AKAP13: variants seen among roughly 807,000 people sequenced by gnomAD.
AKAP13 encodes A-kinase anchoring protein 13, also known as A-kinase anchor protein 13.
Under a neutral mutation model 264.5 loss-of-function variants are expected in AKAP13, and 80 were observed. The observed-to-expected ratio is 0.30, with a 90% confidence interval of 0.25 to 0.36. The LOEUF (loss-of-function observed/expected upper bound fraction) is 0.36, where lower values mean the gene tolerates loss of function less well. AKAP13 is among the 10% of genes least tolerant of loss of function. The pLI is 1.00. For synonymous variants in AKAP13, 1,380 were observed against 1,250.2 expected (o/e 1.10, Z -2.19); for missense variants, 3,712 against 3,435.2 (o/e 1.08, Z -2.01).
chr15:85,746,319 T>C lies in AKAP13; in HGVS notation c.*1642T>C, dbSNP rs945880891. 6.6e-6 allele frequency: 1 copy of C among 152,284 alleles called. No homozygotes were observed. Among genetic ancestry groups the C allele is most frequent in the Non-Finnish European group, 1.5e-5 (1 of 68,042 alleles). The allele number at this position is 152,284 out of a possible 1,614,324, so 9.4% of individuals were successfully genotyped here. The stretch of plus-strand genomic sequence containing the variant: ...TATTTGTGTGTTTGTGTTTGTTTTT[T>C]TTTAAGGGTGAGCCAGGTCTAGCCC... On this transcript the variant is annotated 3_prime_UTR_variant, in exon 37 of 37. Coordinates refer to ENST00000394518, the MANE Select transcript of AKAP13 (RefSeq NM_007200.5).
Position 85,544,076 on chromosome 15 carries a change from T to C in AKAP13, c.662+121T>C, listed in dbSNP as rs778747126. On this transcript the variant is annotated intron_variant, in intron 5 of 36. Transcript: ENST00000394518. Reference sequence around the variant, plus strand: ...GCCGCAAATTAAAACCTCAGCTCTGTATCTTGCCTTCTGCTGGAGGTTTGT... The same window carrying C: ...GCCGCAAATTAAAACCTCAGCTCTGCATCTTGCCTTCTGCTGGAGGTTTGT... The C allele has an allele frequency of 4.1e-6, 5 of 1,205,080 alleles. No individual in the cohort carries two copies. The African/African-American group carries it at 6.0e-5, about 14-fold the overall frequency. The allele number at this position is 1,205,080 out of a possible 1,614,324, so 74.6% of individuals were successfully genotyped here.
At chr15:85,391,355 A>C (rs1390648908) in intron 1 of AKAP13, among the ~76,000 whole-genome samples, 1 of 152,176 alleles carries the variant, frequency 6.6e-6, no homozygotes, top group African/African-American at 2.4e-5. Flanking sequence ...ATGCTAGTGT[A>C]TTATTTGAAT....
intron 2 of AKAP13, among the ~76,000 whole-genome samples, chr15:85,491,940 A>ACC (rs2075742716): frequency 1.3e-5 from 2 of 152,184 alleles, no homozygotes; most frequent in Non-Finnish European, 2.9e-5. Flanking sequence ...CTGCATCGTT[A>ACC]CTTTCGTCAT....
chr15:85,394,738 AG>A (rs981213944), intron 1 of AKAP13, among the ~76,000 whole-genome samples: 19 of 152,324 alleles, frequency 1.2e-4, no homozygotes, highest in African/African-American at 4.6e-4. Context: ...GACCTTGAGC[AG>A]GTAGGTTACT....
chr15:85,493,475 G>T (rs1353690577), intron 2 of AKAP13, among the ~76,000 whole-genome samples: 2 of 152,136 alleles, frequency 1.3e-5, no homozygotes, highest in Non-Finnish European at 2.9e-5. Flanking sequence ...TGTCTTTATG[G>T]TGCATGTGGA....
At chr15:85,675,692 G>T (rs751590005) in intron 14 of AKAP13, among the ~76,000 whole-genome samples, 1 of 152,178 alleles carries the variant, frequency 6.6e-6, no homozygotes, top group South Asian at 2.1e-4. Context: ...GACCTAAGGG[G>T]TCAGAAGGCT....
chr15:85,626,704 T>C (rs572877946), intron 8 of AKAP13, among the ~76,000 whole-genome samples: 37 of 152,370 alleles, frequency 2.4e-4, no homozygotes, highest in African/African-American at 8.4e-4. Context: ...TTATGAGCAT[T>C]GGTATACAAA....
intron 36 of AKAP13, 83 bp downstream of exon 36, chr15:85,743,908 G>A: frequency 1.4e-6 from 2 of 1,452,900 alleles, no homozygotes; most frequent in Non-Finnish European, 9.1e-7. Context: ...CATGGGGCGG[G>A]GTTGAAAAGG....
At chr15:85,483,442 AG>A (rs1567080546) in intron 1 of AKAP13, among the ~76,000 whole-genome samples, 1 of 151,902 alleles carries the variant, frequency 6.6e-6, no homozygotes, top group East Asian at 1.9e-4. Context: ...CTGGCTAACA[AG>A]GTGAAACCCC....
intron 8 of AKAP13, among the ~76,000 whole-genome samples, chr15:85,629,246 G>A (rs1052117721): frequency 6.6e-6 from 1 of 152,074 alleles, no homozygotes; most frequent in African/African-American, 2.4e-5. Context: ...AGAAGAAAAA[G>A]GGAAAAGAAC....
chr15:85,634,034 T>C (rs1242717485), intron 8 of AKAP13, among the ~76,000 whole-genome samples: 7 of 152,206 alleles, frequency 4.6e-5, no homozygotes, highest in Non-Finnish European at 8.8e-5. Context: ...AGGATTACTT[T>C]TAAATTTTTG....
At chr15:85,561,084 A>C (rs1173027899) in intron 5 of AKAP13, among the ~76,000 whole-genome samples, 1 of 118,190 alleles carries the variant, frequency 8.5e-6, no homozygotes, top group Non-Finnish European at 1.7e-5. Context: ...TTTAAGACGG[A>C]GTTTGACTCG....
intron 5 of AKAP13, among the ~76,000 whole-genome samples, chr15:85,573,223 C>G (rs1458167060): frequency 6.6e-6 from 1 of 152,156 alleles, no homozygotes; most frequent in East Asian, 1.9e-4. Flanking sequence ...CAAATATAAC[C>G]TTCCTCCCAA....
chr15:85,580,867 C>T lies in AKAP13; in HGVS notation c.2799C>T (p.Thr933=). The T allele has an allele frequency of 1.2e-6, 2 of 1,614,178 alleles. No homozygotes were observed. Among genetic ancestry groups the T allele is most frequent in the East Asian group, 2.2e-5 (1 of 44,892 alleles). The change falls in exon 7 of 37, where the codon ACC becomes ACT. Residue 933 remains threonine, a synonymous_variant. Coordinates refer to ENST00000394518, the MANE Select transcript of AKAP13 (RefSeq NM_007200.5). ...AQEQDKDKAV[T]CSSIKENALS... Reference sequence around the variant, plus strand: ...AACAAGATAAGGATAAAGCGGTGACCTGTTCCTCTATTAAGGAAAATGCTC... The same window carrying T: ...AACAAGATAAGGATAAAGCGGTGACTTGTTCCTCTATTAAGGAAAATGCTC...
intron 19 of AKAP13, among the ~76,000 whole-genome samples, chr15:85,711,457 T>C (rs903701572): frequency 6.6e-6 from 1 of 152,242 alleles, no homozygotes; most frequent in African/African-American, 2.4e-5. Context: ...AAATGTATTA[T>C]TTTGTGTGAA....
At chr15:85,661,387 C>G (rs576920399) in intron 12 of AKAP13, among the ~76,000 whole-genome samples, 3 of 152,200 alleles carry the variant, frequency 2.0e-5, no homozygotes, top group Admixed American at 2.0e-4. Flanking sequence ...TAAAAAGATA[C>G]ATTTCTAACT....
chr15:85,428,933 A>G (rs1399976814), intron 1 of AKAP13, among the ~76,000 whole-genome samples: 1 of 152,234 alleles, frequency 6.6e-6, no homozygotes, highest in East Asian at 1.9e-4. Context: ...GTGCCAGACA[A>G]TGAACAAGTG....
intron 3 of AKAP13, among the ~76,000 whole-genome samples, chr15:85,522,541 CAG>C (rs2076859835): frequency 6.6e-6 from 1 of 152,134 alleles, no homozygotes; most frequent in Non-Finnish European, 1.5e-5. Flanking sequence ...ATTACTTTCT[CAG>C]AGTCACTGAA....
intron 17 of AKAP13, among the ~76,000 whole-genome samples, chr15:85,707,296 A>C (rs1482279989): frequency 6.6e-6 from 1 of 152,208 alleles, no homozygotes; most frequent in Non-Finnish European, 1.5e-5. Context: ...CTTGTAGGCC[A>C]AGGGAGTGAA....
Sources: allele counts gnomAD v4.1 joint callset (sites outside exome capture counted in the v4.1 genomes callset), GRCh38; gene constraint gnomAD v4.1.1; transcripts MANE v1.5; gene names NCBI Gene and HGNC (gene_info 2026-07-23, HGNC 2026-07-21).